RBFOX1: variants seen among roughly 807,000 people sequenced by gnomAD.
RBFOX1 encodes RNA binding protein fox-1 homolog 1.
Under a neutral mutation model 57.7 loss-of-function variants are expected in RBFOX1, and 8 were observed. The ratio of observed to expected loss-of-function variants is 0.14; its 90% CI spans 0.08 to 0.25. RBFOX1 has a LOEUF of 0.25. Ranked by LOEUF, RBFOX1 falls within the 10% of genes least tolerant of loss-of-function variation. The pLI is 1.00. For missense variants in RBFOX1, 611 were observed against 548.5 expected, an observed-to-expected ratio of 1.11 and a Z score of -1.14; for synonymous variants, 326 against 222.4, an observed-to-expected ratio of 1.47 and a Z score of -4.15.
chr16:7,165,912 C>G (rs1010264765), intron 4 of RBFOX1, among the ~76,000 whole-genome samples: 5 of 146,926 alleles, frequency 3.4e-5, no homozygotes, highest in Admixed American at 7.0e-5. Flanking sequence ...CTCTTGCCCC[C>G]TGCACCCCAC....
At chr16:7,465,983 C>T (rs1412250374) in intron 4 of RBFOX1, among the ~76,000 whole-genome samples, 1 of 152,208 alleles carries the variant, frequency 6.6e-6, no homozygotes, top group Non-Finnish European at 1.5e-5. Flanking sequence ...ATCTCTCTAA[C>T]AGATCTCATC....
chr16:7,244,114 G>C (rs1438412668), intron 4 of RBFOX1, among the ~76,000 whole-genome samples: 1 of 151,742 alleles, frequency 6.6e-6, no homozygotes, highest in Non-Finnish European at 1.5e-5. Context: ...TCAGTCTACA[G>C]CTCAATCTTA....
At chr16:6,033,377 G>C (rs2095317770) in intron 1 of RBFOX1, among the ~76,000 whole-genome samples, 1 of 152,132 alleles carries the variant, frequency 6.6e-6, no homozygotes, top group African/African-American at 2.4e-5. Context: ...AGTATGCAGA[G>C]AAAAATAAAT....
rs2049326258 is a variant in RBFOX1, at chr16:5,653,667, T to C, written c.318+54706T>C. ...TGTGCAGCTGCCGCTCTCTTTGAAA[T>C]GCTCGGCTTTTGGGGCAGGTGCTGG... is the stretch of plus-strand genomic sequence containing the variant. On this transcript the variant is annotated intron_variant, in intron 3 of 19. Coordinates refer to the RBFOX1 transcript ENST00000641259. Among the ~76,000 whole-genome samples the C allele has an allele frequency of 1.3e-5, 2 of 152,190 alleles. 1 individual carries two copies. Among genetic ancestry groups the C allele is most frequent in the South Asian group, 4.1e-4 (2 of 4,826 alleles).
chr16:6,714,999 C>T (rs912337779), intron 3 of RBFOX1, among the ~76,000 whole-genome samples: 4 of 152,118 alleles, frequency 2.6e-5, no homozygotes, highest in African/African-American at 9.7e-5. Context: ...AAGGTGGTCA[C>T]AGGAGTTGGA....
chr16:5,958,932 C>T (rs1383597181), intron 4 of RBFOX1, among the ~76,000 whole-genome samples: 1 of 152,202 alleles, frequency 6.6e-6, no homozygotes, highest in Non-Finnish European at 1.5e-5. Flanking sequence ...CTCCCCATCT[C>T]AACAACCTAA....
At chr16:7,532,800 A>G (rs530465302) in intron 5 of RBFOX1, among the ~76,000 whole-genome samples, 31 of 152,344 alleles carry the variant, frequency 2.0e-4, no homozygotes, top group Admixed American at 7.2e-4. Flanking sequence ...AACTTTGAGT[A>G]ATTGTGACAG....
At chr16:6,192,799 G>A (rs896445839) in intron 1 of RBFOX1, among the ~76,000 whole-genome samples, 3 of 152,120 alleles carry the variant, frequency 2.0e-5, no homozygotes, top group Admixed American at 2.0e-4. Flanking sequence ...AGGTTGTCAT[G>A]CACTAAAAGA....
At chr16:5,396,225 A>G (rs1469251487) in intron 1 of RBFOX1, among the ~76,000 whole-genome samples, 1 of 152,238 alleles carries the variant, frequency 6.6e-6, no homozygotes, top group Non-Finnish European at 1.5e-5. Flanking sequence ...GGCATCTGAA[A>G]TGTTACCAAG....
chr16:5,568,255 G>A (rs1252696991), intron 2 of RBFOX1, among the ~76,000 whole-genome samples: 1 of 152,158 alleles, frequency 6.6e-6, no homozygotes, highest in African/African-American at 2.4e-5. Flanking sequence ...CTCTGTGCAC[G>A]TGGCACAGTC....
intron 2 of RBFOX1, among the ~76,000 whole-genome samples, chr16:6,488,495 C>T (rs9926665): frequency 0.082 from 12,466 of 152,204 alleles, 619 homozygotes; most frequent in African/African-American, 0.11. Context: ...TCTGTTCTTA[C>T]AACTCTGCAA....
chr16:6,429,699 T>C (rs1292932238), intron 2 of RBFOX1, among the ~76,000 whole-genome samples: 1 of 152,162 alleles, frequency 6.6e-6, no homozygotes, highest in African/African-American at 2.4e-5. Flanking sequence ...TCTCATGAGA[T>C]CTGATGGTTT....
intron 2 of RBFOX1, among the ~76,000 whole-genome samples, chr16:6,369,881 C>A (rs1223892630): frequency 6.6e-6 from 1 of 152,174 alleles, no homozygotes; most frequent in Non-Finnish European, 1.5e-5. Context: ...CCTCTGGTCT[C>A]ATCCACAGTT....
At chr16:6,272,209 A>T (rs894225202) in intron 1 of RBFOX1, among the ~76,000 whole-genome samples, 4 of 152,206 alleles carry the variant, frequency 2.6e-5, no homozygotes, top group South Asian at 2.1e-4. Flanking sequence ...ACCGAATCTT[A>T]TCAATCTATG....
intron 3 of RBFOX1, among the ~76,000 whole-genome samples, chr16:5,724,179 G>C (rs1291463746): frequency 1.3e-5 from 2 of 152,118 alleles, no homozygotes; most frequent in Admixed American, 6.5e-5. Context: ...TTTTTCCTGA[G>C]TGGCAAGATA....
chr16:7,465,733 G>A (rs1461738965), intron 4 of RBFOX1, among the ~76,000 whole-genome samples: 2 of 152,112 alleles, frequency 1.3e-5, no homozygotes, highest in Admixed American at 6.5e-5. Flanking sequence ...AGATTTGTGG[G>A]TCCCTCTTCA....
rs528339061 is a variant in RBFOX1, at chr16:7,279,122, TTTTC to T, written c.27+227036_27+227039del. On this transcript the variant is annotated intron_variant, in intron 4 of 15. Transcript: ENST00000550418. ...TTTTTAATGTACATTTTCTCTTTCC[TTTTC>T]TTTCTTTCTTTTTTTTTTAAACATG... Among the ~76,000 whole-genome samples, 57 of 149,938 alleles carry T rather than the reference TTTTC, an allele frequency of 3.8e-4. 1 individual carries two copies. The East Asian group carries it at 8.3e-3, about 22-fold the overall frequency.
intron 2 of RBFOX1, among the ~76,000 whole-genome samples, chr16:6,594,998 A>G (rs913899788): frequency 5.3e-5 from 8 of 152,092 alleles, no homozygotes; most frequent in African/African-American, 1.9e-4. Context: ...CGTGTTGGCC[A>G]GGCTGGTCTT....
chr16:6,736,687 G>A (rs2070409664), intron 3 of RBFOX1, among the ~76,000 whole-genome samples: 1 of 152,184 alleles, frequency 6.6e-6, no homozygotes, highest in Non-Finnish European at 1.5e-5. Context: ...TAGTGGGATT[G>A]CTGGATCAAA....
Sources: gnomAD v4.1 joint callset for allele counts (sites outside exome capture counted in the v4.1 genomes callset) on GRCh38, gnomAD v4.1.1 for gene constraint, MANE v1.5 for transcripts, NCBI Gene and HGNC (gene_info 2026-07-23, HGNC 2026-07-21) for gene names.